The following TTC39B variants were observed in gnomAD, a reference collection of about 807,000 sequenced individuals.
TTC39B encodes tetratricopeptide repeat protein 39B.
TTC39B carries 92 observed loss-of-function variants against 96.6 expected under a neutral mutation model. The observed-to-expected ratio is 0.95, with a 90% confidence interval of 0.80 to 1.13. The LOEUF is 1.13. Ranked by LOEUF, TTC39B falls within the 50% of genes most tolerant of loss-of-function variation. The pLI is 0.00. For missense variants in TTC39B, 955 were observed against 809.3 expected (o/e 1.18, Z -2.18); for synonymous variants, 367 against 299.4 (o/e 1.23, Z -2.33).
intron 18 of TTC39B, 135 bp downstream of exon 18, chr9:15,177,562 C>A: frequency 1.6e-6 from 1 of 612,222 alleles, no homozygotes; most frequent in Non-Finnish European, 2.9e-6. Context: ...CAACAACACA[C>A]TACTGGATTT....
intron 3 of TTC39B, among the ~76,000 whole-genome samples, chr9:15,218,427 T>C (rs1279486078): frequency 1.3e-5 from 2 of 152,026 alleles, no homozygotes; most frequent in African/African-American, 2.4e-5. Context: ...GTGTGTTTTG[T>C]GAACTTTCAA....
rs1044138998 is a variant in TTC39B at position 15,279,491 on chromosome 9, T to A, written c.241-11543A>T. 2.0e-5 allele frequency among the ~76,000 whole-genome samples: 3 copies of A among 152,260 alleles called. No individual in the cohort carries two copies. In the East Asian group the frequency reaches 5.8e-4, roughly 29 times the overall value. On this transcript the variant is annotated intron_variant, in intron 1 of 19. Coordinates refer to ENST00000512701, the Ensembl canonical transcript of TTC39B. ...CACTCTATCTGGGTTCAAATCCCAG[T>A]TTCACCACCCACTGGCTCTGTGACC...
intron 17 of TTC39B, among the ~76,000 whole-genome samples, chr9:15,178,101 CCTCATGATCCACCCACCTCGGCCT>C (rs1301839783): frequency 6.6e-6 from 1 of 151,984 alleles, no homozygotes; most frequent in African/African-American, 2.4e-5. Context: ...GATCTCCTGA[CCTCATGATCCACCCACCTCGGCCT>C]CCCAGAGTGC....
At chr9:15,244,811 G>A (rs78535059) in intron 2 of TTC39B, among the ~76,000 whole-genome samples, 286 of 151,836 alleles carry the variant, frequency 1.9e-3, no homozygotes, top group African/African-American at 6.4e-3. Context: ...TTTTCAGTGG[G>A]ACACTGAATG....
chr9:15,195,220 C>A (rs1819086346), intron 8 of TTC39B, among the ~76,000 whole-genome samples: 1 of 152,158 alleles, frequency 6.6e-6, no homozygotes, highest in South Asian at 2.1e-4. Context: ...ATAGAACAAA[C>A]CACCCACAAC....
intron 2 of TTC39B, among the ~76,000 whole-genome samples, chr9:15,241,769 G>A (rs1466205012): frequency 7.1e-6 from 1 of 139,918 alleles, no homozygotes; most frequent in East Asian, 2.0e-4. Context: ...TTGAGACAGA[G>A]TCTAGTTCTG....
chr9:15,219,428 T>C (rs988186747), intron 3 of TTC39B, among the ~76,000 whole-genome samples: 2 of 152,216 alleles, frequency 1.3e-5, no homozygotes, highest in African/African-American at 2.4e-5. Flanking sequence ...ACTATTAATA[T>C]ATCTGATTCA....
chr9:15,225,413 A>T (rs1821068553), intron 3 of TTC39B, among the ~76,000 whole-genome samples: 2 of 152,146 alleles, frequency 1.3e-5, no homozygotes, highest in Admixed American at 6.5e-5. Flanking sequence ...TTAAACCAAG[A>T]TTATGCAAAA....
At chr9:15,228,867 C>A (rs928734675) in intron 2 of TTC39B, among the ~76,000 whole-genome samples, 1 of 152,132 alleles carries the variant, frequency 6.6e-6, no homozygotes, top group Non-Finnish European at 1.5e-5. Context: ...TAATTATTAA[C>A]AAAATAATGT....
chr9:15,200,091 G>C (rs558568811), intron 7 of TTC39B, among the ~76,000 whole-genome samples, 166 bp from the exon 8 acceptor site: 139 of 152,236 alleles, frequency 9.1e-4, no homozygotes, highest in Admixed American at 2.5e-3. Context: ...ACATTTAAAA[G>C]TTTTTGGGGT....
At chr9:15,279,438 A>C (rs1012167287) in intron 1 of TTC39B, among the ~76,000 whole-genome samples, 1 of 152,212 alleles carries the variant, frequency 6.6e-6, no homozygotes, top group African/African-American at 2.4e-5. Context: ...AGAGAAGGTA[A>C]AGGGACTTGA....
At chr9:15,288,484 G>A (rs1473690737) in intron 1 of TTC39B, among the ~76,000 whole-genome samples, 2 of 152,092 alleles carry the variant, frequency 1.3e-5, no homozygotes, top group Non-Finnish European at 2.9e-5. Context: ...GGTTGGAGAG[G>A]AGATTGGCTG....
At chr9:15,190,641 G>A (rs1423550305) in exon 11 of TTC39B, 34 of 1,614,026 alleles carry the variant, frequency 2.1e-5, no homozygotes, top group East Asian at 4.5e-5. Flanking sequence ...GCACCTTCAC[G>A]TAACTGCAGG....
rs1030958492 is a variant in TTC39B, at chr9:15,185,602, A to G, written c.1488-196T>C. 25 of 680,710 alleles carry G rather than the reference A, an allele frequency of 3.7e-5. No individual in the cohort carries two copies. The Admixed American group carries it at 7.3e-4, about 20-fold the overall frequency. 42.2% of individuals were successfully genotyped at this position (680,710 alleles called of 1,614,324 possible). ...GCAACTCCAGGGCCGGGGCCGAGCAATCTAGATTTTGATAAGCCCTCCAGG... is the reference window on the plus strand; with the variant it reads ...GCAACTCCAGGGCCGGGGCCGAGCAGTCTAGATTTTGATAAGCCCTCCAGG... On this transcript the variant is annotated intron_variant, in intron 15 of 19. Transcript: ENST00000512701.
At position 15,194,476 on chromosome 9, in the gene TTC39B, T is replaced by C. The variant is rs181693301; in HGVS notation, c.825-1781A>G. ...GCGTGTGTGTGTAAGTCCATGTGTG[T>C]GCACACACACACATGCTGTCTCTTT... is the stretch of plus-strand genomic sequence containing the variant. On this transcript the variant is annotated intron_variant, in intron 8 of 19. Coordinates refer to ENST00000512701, the Ensembl canonical transcript of TTC39B. Among the ~76,000 whole-genome samples, 10 of 152,308 alleles carry C rather than the reference T, an allele frequency of 6.6e-5. No individual in the cohort carries two copies. In the East Asian group the frequency reaches 1.9e-3, roughly 29 times the overall value.
At chr9:15,235,571 CA>C (rs1821741109) in intron 2 of TTC39B, among the ~76,000 whole-genome samples, 1 of 152,016 alleles carries the variant, frequency 6.6e-6, no homozygotes, top group Non-Finnish European at 1.5e-5. Context: ...AAAGAAGGGT[CA>C]AATCACCTAC....
chr9:15,217,473 G>A (rs986173111), intron 3 of TTC39B, among the ~76,000 whole-genome samples: 2 of 152,142 alleles, frequency 1.3e-5, no homozygotes, highest in African/African-American at 4.8e-5. Flanking sequence ...CTTCTGAGTG[G>A]TTTACGATGA....
chr9:15,294,572 G>C (rs1409615710), intron 1 of TTC39B, among the ~76,000 whole-genome samples: 2 of 152,214 alleles, frequency 1.3e-5, no homozygotes, highest in Admixed American at 6.5e-5. Context: ...AGCTGGAACA[G>C]ATGGCCCTTT....
At chr9:15,237,674 C>T (rs1821849223) in intron 2 of TTC39B, among the ~76,000 whole-genome samples, 1 of 147,226 alleles carries the variant, frequency 6.8e-6, no homozygotes. Flanking sequence ...AAAAAAGCAG[C>T]TCAGGACCAG....
Sources: gnomAD v4.1 joint callset for allele counts (sites outside exome capture counted in the v4.1 genomes callset) on GRCh38, gnomAD v4.1.1 for gene constraint, MANE v1.5 for transcripts, NCBI Gene and HGNC (gene_info 2026-07-23, HGNC 2026-07-21) for gene names.